INSR: variants seen among roughly 807,000 people sequenced by gnomAD.
INSR encodes the protein IR.
INSR carries 67 observed loss-of-function variants against 142.6 expected under a neutral mutation model. The observed-to-expected ratio is 0.47, with a 90% confidence interval of 0.39 to 0.58. INSR has a LOEUF of 0.58. Ranked by LOEUF, INSR falls within the 20% of genes least tolerant of loss-of-function variation. The pLI, the probability that INSR is intolerant of heterozygous loss-of-function variation, is 0.00. For synonymous variants in INSR, 756 were observed against 743.1 expected, an observed-to-expected ratio of 1.02 and a Z score of -0.28; for missense variants, 1,248 against 1,833.2, an observed-to-expected ratio of 0.68 and a Z score of 5.83.
At chr19:7,196,928 TTAAAG>T (rs1171670749) in intron 2 of INSR, among the ~76,000 whole-genome samples, 3 of 152,190 alleles carry the variant, frequency 2.0e-5, no homozygotes, top group South Asian at 2.1e-4. Context: ...TATAAACTCC[TTAAAG>T]TAATTTATTT....
intron 1 of INSR, among the ~76,000 whole-genome samples, chr19:7,274,353 G>C (rs1046864365): frequency 6.6e-6 from 1 of 151,838 alleles, no homozygotes; most frequent in Non-Finnish European, 1.5e-5. Flanking sequence ...GTGCAGCCCA[G>C]CTCCTAACAG....
rs1974016281 is a variant in INSR, at chr19:7,171,587, G to A, written c.1268+703C>T. On this transcript the variant is annotated intron_variant, in intron 5 of 21. Transcript: ENST00000302850. ...GAATATACTGGAATATACTGAGATG[G>A]AGTCCATCCCAGAAATTAGGATGGA... 1.3e-5 allele frequency among the ~76,000 whole-genome samples: 2 copies of A among 152,056 alleles called. 1 individual carries two copies. Among genetic ancestry groups the A allele is most frequent in the South Asian group, 4.1e-4 (2 of 4,822 alleles).
At chr19:7,143,207 G>T in intron 11 of INSR, 117 bp from the exon 12 acceptor site, 2 of 1,125,666 alleles carry the variant, frequency 1.8e-6, no homozygotes, top group Non-Finnish European at 2.6e-6. Flanking sequence ...GGAGGGTGCA[G>T]CAATGGGGAA....
chr19:7,255,475 C>G (rs1316557351), intron 2 of INSR, among the ~76,000 whole-genome samples: 1 of 151,764 alleles, frequency 6.6e-6, no homozygotes, highest in African/African-American at 2.4e-5. Flanking sequence ...TTCATCCACC[C>G]GAATACCCTT....
chr19:7,178,502 C>T (rs561007934), intron 3 of INSR, among the ~76,000 whole-genome samples: 1 of 152,174 alleles, frequency 6.6e-6, no homozygotes, highest in South Asian at 2.1e-4. Flanking sequence ...AGGTGAATCA[C>T]GAAGTCAGGA....
At position 7,267,143 on chromosome 19, in the gene INSR, C is replaced by A. The variant is rs1268435140; in HGVS notation, c.652+202G>T. ...AGAATTGAGTCGTTGCATCAGAGAC[C>A]ATATGGCCTGCAAAATCTGAAGTAT... On this transcript the variant is annotated intron_variant, in intron 2 of 21. Transcript: ENST00000302850. The surrounding 1 kb of genome is among the most constrained non-coding windows in gnomAD (Gnocchi z 6.3). Among the ~76,000 whole-genome samples the A allele has an allele frequency of 6.6e-6, 1 of 152,084 alleles. No individual in the cohort carries two copies. The highest frequency in any genetic ancestry group is 1.5e-5 in the Non-Finnish European group (1 of 68,020).
At position 7,118,914 on chromosome 19, in the gene INSR, C is replaced by CA. The variant is rs59739401; in HGVS notation, c.3794+534dup. On this transcript the variant is annotated intron_variant, in intron 21 of 21. Transcript: ENST00000302850. ...TGGGTGACAGAGCAAGATTCCGTCT[C>CA]AAAAAAAAAAAAAAAAAAAAAAAAA... is the stretch of plus-strand genomic sequence containing the variant. Among the ~76,000 whole-genome samples the CA allele has an allele frequency of 4.3e-3, 295 of 68,742 alleles. 3 individuals are homozygous for CA. Among genetic ancestry groups the CA allele is most frequent in the Middle Eastern group, 7.5e-3 (1 of 134 alleles). The allele number at this position is 68,742 out of a possible 152,430, so 45.1% of individuals were successfully genotyped here. A position where few individuals can be genotyped will look rare whatever the true frequency, so the allele number is the denominator to read the frequency against.
chr19:7,291,628 C>T (rs962275154), intron 1 of INSR, among the ~76,000 whole-genome samples: 5 of 152,082 alleles, frequency 3.3e-5, no homozygotes, highest in African/African-American at 1.2e-4. Flanking sequence ...AACCCCTGCC[C>T]ATATGGAAGC....
At chr19:7,198,131 C>G (rs1289141674) in intron 2 of INSR, among the ~76,000 whole-genome samples, 3 of 151,904 alleles carry the variant, frequency 2.0e-5, no homozygotes, top group African/African-American at 7.2e-5. Context: ...CCCCCTCGAG[C>G]CGGAGGCCTC....
rs958551210 is a variant in INSR, at chr19:7,125,141, C to T, written c.3258+142G>A. ...GAGAAGGGAATGATCCCTCCTCACACCTCTAGGATGGGAAGCTTAGTGGAG... is the reference window on the plus strand; with the variant it reads ...GAGAAGGGAATGATCCCTCCTCACATCTCTAGGATGGGAAGCTTAGTGGAG... On this transcript the variant is annotated intron_variant, in intron 17 of 21. Transcript: ENST00000302850. The surrounding 1 kb of genome is among the most constrained non-coding windows in gnomAD (Gnocchi z 4.9). 8 of 994,032 alleles carry T rather than the reference C, an allele frequency of 8.0e-6. No individual in the cohort carries two copies. Among genetic ancestry groups the T allele is most frequent in the African/African-American group, 6.4e-5 (4 of 62,810 alleles). The allele number at this position is 994,032 out of a possible 1,614,324, so 61.6% of individuals were successfully genotyped here. A position where few individuals can be genotyped will look rare whatever the true frequency, so the allele number is the denominator to read the frequency against.
intron 2 of INSR, among the ~76,000 whole-genome samples, chr19:7,229,453 T>C (rs1334488453): frequency 2.6e-5 from 4 of 152,156 alleles, no homozygotes; most frequent in African/African-American, 9.7e-5. Flanking sequence ...ACAAACTGTG[T>C]CTGAAGCAAA....
chr19:7,161,272 T>A (rs1179783743), intron 9 of INSR, among the ~76,000 whole-genome samples: 1 of 151,634 alleles, frequency 6.6e-6, no homozygotes, highest in Non-Finnish European at 1.5e-5. Flanking sequence ...TTTTTTTATA[T>A]ATATAGAGAC....
chr19:7,122,519 T>C, intron 19 of INSR, 95 bp downstream of exon 19: 3 of 1,310,524 alleles, frequency 2.3e-6, no homozygotes, highest in South Asian at 2.4e-5. Context: ...CTTTATATTA[T>C]CAGAAAAGAC....
rs1163843884 is a variant in INSR, at chr19:7,117,403, G to C, written c.3802C>G (p.Leu1268Val). Residue 1268 changes from leucine to valine, a missense_variant, in exon 22 of 22, where the codon CTC becomes GTC. Physicochemically the swap from Leu to Val is conservative, Grantham distance 32. Coordinates refer to ENST00000302850, the MANE Select transcript of INSR (RefSeq NM_000208.4). ...TTGAATTGCCAGCACATGCGCATGA[G>C]GTCAGTGCTGCGGGGCAGAAGGACA... ...PDNCPERVTD[L>V]MRMCWQFNPK... is the part of the protein sequence containing the mutation. 6 of 1,612,912 alleles carry C rather than the reference G, an allele frequency of 3.7e-6. No homozygotes were observed. In the African/African-American group the frequency reaches 6.7e-5, roughly 18 times the overall value.
chr19:7,259,042 TTCC>T (rs1976978353), intron 2 of INSR, among the ~76,000 whole-genome samples: 2 of 142,016 alleles, frequency 1.4e-5, no homozygotes, highest in South Asian at 4.6e-4. Context: ...CCCTCCTTCC[TTCC>T]TTTCTTTCTT....
intron 2 of INSR, among the ~76,000 whole-genome samples, chr19:7,193,655 A>G (rs978357886): frequency 6.6e-6 from 1 of 152,014 alleles, no homozygotes; most frequent in African/African-American, 2.4e-5. Context: ...ACTGACATAT[A>G]TTTGGAAATA....
intron 2 of INSR, among the ~76,000 whole-genome samples, chr19:7,242,567 G>A (rs1976387206): frequency 2.0e-5 from 3 of 151,526 alleles, no homozygotes; most frequent in Non-Finnish European, 4.4e-5. Flanking sequence ...GTGAAACCCC[G>A]TCTCTACTAA....
At chr19:7,234,926 A>C (rs761605732) in intron 2 of INSR, among the ~76,000 whole-genome samples, 18 of 151,752 alleles carry the variant, frequency 1.2e-4, no homozygotes, top group Non-Finnish European at 2.1e-4. Flanking sequence ...GGTGTGGTGG[A>C]GGGCACCTGT....
intron 2 of INSR, among the ~76,000 whole-genome samples, chr19:7,228,980 AGGATGGAT>A (rs59628521): frequency 1.2e-4 from 17 of 137,734 alleles, no homozygotes; most frequent in Admixed American, 3.0e-4. Flanking sequence ...AGTAGACAGA[AGGATGGAT>A]GGATGGATGG....
Sources: gnomAD v4.1 joint callset for allele counts (sites outside exome capture counted in the v4.1 genomes callset) on GRCh38, gnomAD v4.1.1 for gene constraint, Gnocchi (gnomAD v3.1) non-coding constraint, MANE v1.5 for transcripts, NCBI Gene and HGNC (gene_info 2026-07-23, HGNC 2026-07-21) for gene names.